NR6A1: variants seen among roughly 807,000 people sequenced by gnomAD.
NR6A1 encodes the protein nuclear receptor subfamily 6 group A member 1.
Under a neutral mutation model 59.1 loss-of-function variants are expected in NR6A1, and 7 were observed. The observed-to-expected ratio is 0.12, with a 90% CI of 0.07 to 0.22. NR6A1 has a LOEUF of 0.22. Ranked by LOEUF, NR6A1 falls within the 10% of genes least tolerant of loss-of-function variation. The pLI is 1.00. For missense variants in NR6A1, 468 were observed against 611.6 expected (o/e 0.77, Z 2.48); for synonymous variants, 243 against 236.1 (o/e 1.03, Z -0.27).
At chr9:124,618,231 C>T (rs1011479413) in intron 2 of NR6A1, among the ~76,000 whole-genome samples, 2 of 152,154 alleles carry the variant, frequency 1.3e-5, no homozygotes, top group South Asian at 2.1e-4. Context: ...CTTGTTATCC[C>T]AGCACTTTGG....
intron 2 of NR6A1, among the ~76,000 whole-genome samples, chr9:124,606,841 G>A (rs895030424): frequency 6.6e-6 from 1 of 152,218 alleles, no homozygotes. Context: ...ATAGGAACTT[G>A]ATAAACTGAG....
intron 3 of NR6A1, among the ~76,000 whole-genome samples, chr9:124,547,683 C>G (rs192190131): frequency 5.9e-5 from 9 of 151,964 alleles, no homozygotes; most frequent in Non-Finnish European, 1.0e-4. Context: ...GGCATTCTTG[C>G]GAAAAATGCA....
chr9:124,614,887 C>G (rs986564714), intron 2 of NR6A1, among the ~76,000 whole-genome samples: 1 of 152,194 alleles, frequency 6.6e-6, no homozygotes, highest in Non-Finnish European at 1.5e-5. Flanking sequence ...TAAAGACAAT[C>G]CTTGCAAGCC....
At chr9:124,676,549 TAAGA>T (rs1372379398) in intron 2 of NR6A1, among the ~76,000 whole-genome samples, 1 of 152,222 alleles carries the variant, frequency 6.6e-6, no homozygotes, top group African/African-American at 2.4e-5. Flanking sequence ...GCCAAGTTAT[TAAGA>T]AAGTGTTAGA....
intron 2 of NR6A1, among the ~76,000 whole-genome samples, chr9:124,726,183 A>G (rs1839711893): frequency 6.6e-6 from 1 of 152,158 alleles, no homozygotes; most frequent in Non-Finnish European, 1.5e-5. Context: ...TCAAACCCTC[A>G]CATCGTTGTT....
chr9:124,714,913 A>G (rs1161451153), intron 2 of NR6A1, among the ~76,000 whole-genome samples: 2 of 152,158 alleles, frequency 1.3e-5, no homozygotes, highest in Non-Finnish European at 2.9e-5. Flanking sequence ...AGAAGACTCA[A>G]CATTGGCTGG....
At chr9:124,748,351 G>A (rs118029562) in intron 1 of NR6A1, among the ~76,000 whole-genome samples, 34 of 152,230 alleles carry the variant, frequency 2.2e-4, no homozygotes, top group East Asian at 1.7e-3. Context: ...GCTAACACTT[G>A]AGGAACCCTT....
chr9:124,721,418 G>A (rs1158236643), intron 2 of NR6A1, among the ~76,000 whole-genome samples: 1 of 152,174 alleles, frequency 6.6e-6, no homozygotes, highest in African/African-American at 2.4e-5. Context: ...CATTCAGAAG[G>A]CTTGATCTAG....
chr9:124,640,384 C>T lies in NR6A1; in HGVS notation c.143-85814G>A, dbSNP rs147581945. Among the ~76,000 whole-genome samples, 39 of 152,130 alleles carry T rather than the reference C, an allele frequency of 2.6e-4. No individual in the cohort carries two copies. The East Asian group carries it at 7.3e-3, about 29-fold the overall frequency. On this transcript the variant is annotated intron_variant, in intron 2 of 9. Coordinates refer to ENST00000487099, the MANE Select transcript of NR6A1 (RefSeq NM_033334.4). ...CACAAATGTTTGGTACTGAAGGATG[C>T]TAACTTTTATTCTGTGTTATTTTGG...
intron 1 of NR6A1, among the ~76,000 whole-genome samples, chr9:124,745,705 G>A (rs1183192312): frequency 2.7e-5 from 4 of 149,168 alleles, no homozygotes; most frequent in African/African-American, 7.4e-5. Context: ...AGAACAGGCC[G>A]GGTGCGGTGG....
At chr9:124,762,648 T>C (rs1268252549) in intron 1 of NR6A1, among the ~76,000 whole-genome samples, 1 of 152,232 alleles carries the variant, frequency 6.6e-6, no homozygotes, top group East Asian at 1.9e-4. Context: ...CAATGAACTA[T>C]GTGTAATCCG....
intron 4 of NR6A1, among the ~76,000 whole-genome samples, chr9:124,543,225 G>T (rs571904238): frequency 5.9e-5 from 9 of 152,224 alleles, no homozygotes; most frequent in Admixed American, 2.0e-4. Flanking sequence ...CACGGCTCTA[G>T]CCCAAGCAGA....
At chr9:124,640,062 T>C (rs1836727576) in intron 2 of NR6A1, among the ~76,000 whole-genome samples, 2 of 152,150 alleles carry the variant, frequency 1.3e-5, no homozygotes, top group Admixed American at 1.3e-4. Flanking sequence ...TAAGTGGAAA[T>C]TTGAGAAAAA....
At chr9:124,618,680 G>C (rs1320019262) in intron 2 of NR6A1, among the ~76,000 whole-genome samples, 1 of 152,112 alleles carries the variant, frequency 6.6e-6, no homozygotes, top group African/African-American at 2.4e-5. Context: ...AGCTCTTGAA[G>C]GTCTAGGGAA....
Position 124,613,725 on chromosome 9 carries a change from TA to T in NR6A1, c.143-59156del, listed in dbSNP as rs570838506. Among the ~76,000 whole-genome samples, 173 of 152,210 alleles carry T rather than the reference TA, an allele frequency of 1.1e-3. 1 individual carries two copies. The highest frequency in any genetic ancestry group is 3.9e-3 in the African/African-American group (163 of 41,554). The stretch of plus-strand genomic sequence containing the variant: ...AGAAAAGCTCAAACTTTGCAATCAA[TA>T]GGGGGATGGCTAATAAATCTGTATA... On this transcript the variant is annotated intron_variant, in intron 2 of 9. Transcript: ENST00000487099.
intron 2 of NR6A1, among the ~76,000 whole-genome samples, chr9:124,697,677 A>T (rs1367240460): frequency 1.0e-4 from 13 of 129,708 alleles, no homozygotes; most frequent in East Asian, 6.1e-4. Flanking sequence ...GGTAGGATTT[A>T]AAAAAAAAAA....
intron 2 of NR6A1, among the ~76,000 whole-genome samples, chr9:124,581,640 A>G (rs962768920): frequency 2.0e-5 from 3 of 152,156 alleles, no homozygotes; most frequent in African/African-American, 4.8e-5. Context: ...GTAAACAGAC[A>G]ACCTACAGAA....
intron 2 of NR6A1, among the ~76,000 whole-genome samples, chr9:124,576,742 G>A (rs1321958143): frequency 6.6e-6 from 1 of 152,164 alleles, no homozygotes; most frequent in African/African-American, 2.4e-5. Context: ...TAGAGTGCTG[G>A]TAAATGGAGA....
chr9:124,592,173 A>T (rs1168806995), intron 2 of NR6A1, among the ~76,000 whole-genome samples: 1 of 152,168 alleles, frequency 6.6e-6, no homozygotes, highest in Non-Finnish European at 1.5e-5. Flanking sequence ...TGTGTGTGAA[A>T]ATGACAAAAG....
Sources: allele counts gnomAD v4.1 joint callset (sites outside exome capture counted in the v4.1 genomes callset), GRCh38; gene constraint gnomAD v4.1.1; transcripts MANE v1.5; gene names NCBI Gene and HGNC (gene_info 2026-07-23, HGNC 2026-07-21).